Variants in WWOX observed in about 807,000 individuals in gnomAD.
WWOX encodes WW domain containing oxidoreductase, also known as WW domain-containing oxidoreductase.
In WWOX, 69 loss-of-function variants were observed where a neutral mutation model predicts 46.2. That is an observed-to-expected ratio of 1.49 (90% CI 1.23 to 1.82). WWOX has a LOEUF of 1.82. Among genes scored for constraint, WWOX ranks in the 40% most tolerant of loss-of-function variants. The pLI is 0.00. For synonymous variants in WWOX, 359 were observed against 202.6 expected (o/e 1.77, Z -6.56); for missense variants, 919 against 542.6 (o/e 1.69, Z -6.89).
chr16:78,824,140 T>C (rs957412685), intron 8 of WWOX, among the ~76,000 whole-genome samples: 1 of 152,224 alleles, frequency 6.6e-6, no homozygotes, highest in Non-Finnish European at 1.5e-5. Context: ...TTTTTAAAAA[T>C]CTATTTGATT....
chr16:78,980,088 A>T (rs1379439996), intron 8 of WWOX, among the ~76,000 whole-genome samples: 1 of 152,226 alleles, frequency 6.6e-6, no homozygotes, highest in Non-Finnish European at 1.5e-5. Flanking sequence ...AGATTGCACC[A>T]CTGCACTGCA....
intron 8 of WWOX, among the ~76,000 whole-genome samples, chr16:79,181,285 C>T (rs966871725): frequency 6.6e-5 from 10 of 152,180 alleles, no homozygotes; most frequent in African/African-American, 1.9e-4. Context: ...TTTAAAAATG[C>T]TTGCATACTG....
intron 8 of WWOX, among the ~76,000 whole-genome samples, chr16:79,160,289 G>C (rs535433004): frequency 1.1e-3 from 171 of 152,290 alleles, no homozygotes; most frequent in African/African-American, 3.7e-3. Context: ...ACTATTTCGT[G>C]AGAAAGAAGG....
chr16:78,698,352 G>T (rs1031247230), intron 8 of WWOX, among the ~76,000 whole-genome samples: 1 of 152,146 alleles, frequency 6.6e-6, no homozygotes, highest in Admixed American at 6.5e-5. Context: ...GATTTTTGGG[G>T]TATCTTCCAG....
intron 8 of WWOX, among the ~76,000 whole-genome samples, chr16:78,591,169 G>C (rs1212675547): frequency 6.6e-6 from 1 of 152,062 alleles, no homozygotes; most frequent in African/African-American, 2.4e-5. Context: ...TTTCAAGATG[G>C]TTTTAGCACT....
chr16:78,570,549 A>G (rs936334787), intron 8 of WWOX, among the ~76,000 whole-genome samples: 1 of 151,974 alleles, frequency 6.6e-6, no homozygotes, highest in African/African-American at 2.4e-5. Context: ...CCTGGACTCA[A>G]GTGATCCTCC....
chr16:78,178,653 G>T (rs1260559561), intron 5 of WWOX, among the ~76,000 whole-genome samples: 1 of 152,162 alleles, frequency 6.6e-6, no homozygotes, highest in African/African-American at 2.4e-5. Flanking sequence ...ATCACTTGAG[G>T]TTAGGAGTTC....
chr16:78,696,476 T>A (rs201088355), intron 8 of WWOX, among the ~76,000 whole-genome samples: 3 of 152,092 alleles, frequency 2.0e-5, no homozygotes, highest in East Asian at 3.9e-4. Context: ...AGTTTCGATT[T>A]TTTTTTTTCA....
Position 78,164,221 on chromosome 16 carries a change from CAT to C in WWOX, c.449_450del (p.His150ArgfsTer13). On this transcript the variant is annotated frameshift_variant, in exon 5 of 9. Coordinates refer to ENST00000566780, the MANE Select transcript of WWOX (RefSeq NM_016373.4). LOFTEE classifies it high-confidence loss of function. Reference protein sequence around the residue: ...TAKSFALHGAHVILACRNMAR... With the variant: ...TAKSFALHGAXVILACRNMAR... ...CAAGTCTTTTGCCCTCCATGGTGCACATGTGATCTTGGCCTGCAGGAACATGG... is the reference window on the plus strand; with the variant it reads ...CAAGTCTTTTGCCCTCCATGGTGCACGTGATCTTGGCCTGCAGGAACATGG... 6.2e-7 allele frequency: 1 copy of C among 1,614,130 alleles called. No individual in the cohort carries two copies. Among genetic ancestry groups the C allele is most frequent in the East Asian group, 2.2e-5 (1 of 44,872 alleles).
chr16:79,145,247 C>T (rs933700665), intron 8 of WWOX, among the ~76,000 whole-genome samples: 1 of 151,902 alleles, frequency 6.6e-6, no homozygotes, highest in African/African-American at 2.4e-5. Flanking sequence ...TCAGTGATGC[C>T]AAAAAAGCAT....
intron 5 of WWOX, among the ~76,000 whole-genome samples, chr16:78,290,047 C>G (rs1292194123): frequency 6.6e-6 from 1 of 152,026 alleles, no homozygotes; most frequent in Non-Finnish European, 1.5e-5. Flanking sequence ...TTCATGTGCA[C>G]ACACACACTT....
At chr16:78,625,173 C>T (rs578098005) in intron 8 of WWOX, among the ~76,000 whole-genome samples, 1 of 152,320 alleles carries the variant, frequency 6.6e-6, no homozygotes, top group Admixed American at 6.5e-5. Flanking sequence ...CTGAGGGATC[C>T]TTTGACAACT....
intron 8 of WWOX, among the ~76,000 whole-genome samples, chr16:79,010,621 C>G (rs146361995): frequency 6.6e-6 from 1 of 151,792 alleles, no homozygotes. Context: ...TGGTATGAAA[C>G]AAATCAGGGA....
chr16:78,497,731 G>T (rs555255473), intron 8 of WWOX, among the ~76,000 whole-genome samples: 2 of 152,152 alleles, frequency 1.3e-5, no homozygotes, highest in Non-Finnish European at 2.9e-5. Context: ...TGGACTCTCA[G>T]CAGGACATTA....
intron 8 of WWOX, chr16:79,090,157 C>A (rs983795123): frequency 1.3e-5 from 2 of 151,962 alleles, no homozygotes; most frequent in African/African-American, 4.8e-5. Flanking sequence ...TTATGACCAA[C>A]AATTAATGTT....
chr16:78,658,201 CT>C (rs2047124805), intron 8 of WWOX, among the ~76,000 whole-genome samples: 1 of 152,200 alleles, frequency 6.6e-6, no homozygotes, highest in Admixed American at 6.5e-5. Context: ...AAAATCACCC[CT>C]GGATGAGAAC....
At chr16:78,731,803 A>G (rs2048975148) in intron 8 of WWOX, among the ~76,000 whole-genome samples, 1 of 151,688 alleles carries the variant, frequency 6.6e-6, no homozygotes, top group South Asian at 2.1e-4. Flanking sequence ...AACAAAAACT[A>G]AAGTCTAATA....
intron 8 of WWOX, among the ~76,000 whole-genome samples, chr16:78,672,991 T>C (rs2047503899): frequency 6.6e-6 from 1 of 152,176 alleles, no homozygotes; most frequent in African/African-American, 2.4e-5. Flanking sequence ...ACCGCCGCCG[T>C]GTGTCAGAAC....
intron 8 of WWOX, among the ~76,000 whole-genome samples, chr16:79,086,072 C>CAA (rs11379925): frequency 1.0e-3 from 150 of 149,878 alleles, no homozygotes; most frequent in Non-Finnish European, 1.3e-3. Flanking sequence ...ACCCCATCTC[C>CAA]AAAAAAAAGA....
Sources: allele counts gnomAD v4.1 joint callset (sites outside exome capture counted in the v4.1 genomes callset), GRCh38; gene constraint gnomAD v4.1.1; transcripts MANE v1.5; gene names NCBI Gene and HGNC (gene_info 2026-07-23, HGNC 2026-07-21).